The following PVT1 variants were observed in gnomAD, a reference collection of about 807,000 sequenced individuals.
PVT1 encodes the protein Pvt1 oncogene, also known as CXCR4/PVT1 fusion.
chr8:127,949,319 C>T (rs762040461), intron 3 of PVT1, among the ~76,000 whole-genome samples: 115 of 151,122 alleles, frequency 7.6e-4, no homozygotes, highest in Non-Finnish European at 1.4e-3. Flanking sequence ...GAAGACCAGC[C>T]CCCTGTGACC....
chr8:127,855,640 C>T (rs905344147), intron 2 of PVT1, among the ~76,000 whole-genome samples: 3 of 152,170 alleles, frequency 2.0e-5, no homozygotes, highest in African/African-American at 7.2e-5. Flanking sequence ...CTGGAGAGCA[C>T]CTTTCCCGGT....
chr8:127,869,439 A>G (rs902350545), intron 2 of PVT1, among the ~76,000 whole-genome samples: 1 of 152,042 alleles, frequency 6.6e-6, no homozygotes, highest in Non-Finnish European at 1.5e-5. Flanking sequence ...CCTATTTTTT[A>G]TTATTAAAAA....
At chr8:128,006,112 T>G (rs926695295) in intron 4 of PVT1, among the ~76,000 whole-genome samples, 110 of 105,306 alleles carry the variant, frequency 1.0e-3, no homozygotes, top group African/African-American at 4.2e-3. Context: ...CAAATAATAA[T>G]AATAATAATA....
At chr8:127,840,093 C>T (rs988748292) in intron 2 of PVT1, among the ~76,000 whole-genome samples, 3 of 152,120 alleles carry the variant, frequency 2.0e-5, no homozygotes, top group African/African-American at 7.2e-5. Context: ...GAGGAGTGAG[C>T]AGGTAAAGGG....
chr8:128,017,758 A>G (rs570785399), intron 4 of PVT1, among the ~76,000 whole-genome samples: 1 of 152,054 alleles, frequency 6.6e-6, no homozygotes, highest in Non-Finnish European at 1.5e-5. Flanking sequence ...TTTAACATGA[A>G]TTAATAGGAC....
At chr8:127,880,584 T>C (rs113606530) in intron 2 of PVT1, among the ~76,000 whole-genome samples, 1,623 of 135,030 alleles carry the variant, frequency 0.012, 36 homozygotes, top group African/African-American at 0.043. Context: ...GCATGAGCCA[T>C]CGCCCCCGGC....
At chr8:127,925,499 CATTCAGCTTTT>C (rs1816119030) in intron 3 of PVT1, among the ~76,000 whole-genome samples, 1 of 152,160 alleles carries the variant, frequency 6.6e-6, no homozygotes, top group African/African-American at 2.4e-5. Flanking sequence ...GTGGACACGC[CATTCAGCTTTT>C]ATTCAGCACT....
intron 2 of PVT1, among the ~76,000 whole-genome samples, chr8:127,889,176 C>G (rs1815567918): frequency 6.6e-6 from 1 of 150,758 alleles, no homozygotes; most frequent in Non-Finnish European, 1.5e-5. Context: ...GTGGCCCAGG[C>G]TGGAATGCAG....
Position 127,848,422 on chromosome 8 carries a change from G to A in PVT1, n.373-42167G>A, listed in dbSNP as rs1416145028. Among the ~76,000 whole-genome samples, 4 of 151,392 alleles carry A rather than the reference G, an allele frequency of 2.6e-5. No individual in the cohort carries two copies. In the South Asian group the frequency reaches 8.4e-4, roughly 32 times the overall value. ...AATTTGGCTGGGCGCAGTGGCTCAC[G>A]CCTGTAATCCCAGCACTTTGGGAGG... On this transcript the variant is annotated intron_variant and non_coding_transcript_variant, in intron 2 of 10. Transcript: ENST00000651587.
intron 4 of PVT1, among the ~76,000 whole-genome samples, chr8:128,011,392 G>A (rs1358377705): frequency 1.3e-5 from 2 of 152,076 alleles, no homozygotes; most frequent in African/African-American, 2.4e-5. Context: ...GATTATGAGG[G>A]TGGGGCTCTC....
intron 3 of PVT1, chr8:127,932,632 A>G (rs1249517888): frequency 5.0e-6 from 2 of 398,260 alleles, no homozygotes; most frequent in South Asian, 1.3e-4. Context: ...TACCTGATGG[A>G]CACCAAGCTA....
chr8:127,871,827 G>T (rs1191667986), intron 2 of PVT1, among the ~76,000 whole-genome samples: 1 of 152,166 alleles, frequency 6.6e-6, no homozygotes, highest in African/African-American at 2.4e-5. Flanking sequence ...AGTGGCTCAC[G>T]CCTGTAATCC....
intron 4 of PVT1, among the ~76,000 whole-genome samples, chr8:128,045,728 C>T (rs548607284): frequency 7.9e-5 from 12 of 152,304 alleles, no homozygotes; most frequent in East Asian, 3.9e-4. Context: ...TAATGAGGAG[C>T]GGCTTCATAA....
chr8:128,076,961 G>A (rs1326705180), intron 5 of PVT1, among the ~76,000 whole-genome samples: 2 of 152,182 alleles, frequency 1.3e-5, no homozygotes, highest in Non-Finnish European at 1.5e-5. Context: ...AGGCCCTGAG[G>A]CTTTGTGGTG....
intron 2 of PVT1, among the ~76,000 whole-genome samples, chr8:127,863,432 C>T (rs894886760): frequency 1.3e-5 from 2 of 152,152 alleles, no homozygotes; most frequent in Admixed American, 6.5e-5. Context: ...TTAATGTTCT[C>T]AGGTGAGTGG....
intron 3 of PVT1, among the ~76,000 whole-genome samples, chr8:127,944,162 A>G (rs139614018): frequency 3.0e-4 from 45 of 152,272 alleles, no homozygotes; most frequent in African/African-American, 1.1e-3. Context: ...ATCCTAGTTC[A>G]CTGCATCCTC....
chr8:128,036,557 G>T (rs1473652950), intron 4 of PVT1, among the ~76,000 whole-genome samples: 1 of 151,962 alleles, frequency 6.6e-6, no homozygotes, highest in Non-Finnish European at 1.5e-5. Context: ...CTTCTGGGGG[G>T]CTGGGCACTG....
intron 3 of PVT1, among the ~76,000 whole-genome samples, chr8:127,916,301 C>T (rs963290033): frequency 3.9e-5 from 6 of 152,178 alleles, no homozygotes; most frequent in Non-Finnish European, 8.8e-5. Context: ...TAGATGTTCT[C>T]TCCTGGAATC....
At chr8:127,971,135 G>A (rs1489741875) in intron 3 of PVT1, among the ~76,000 whole-genome samples, 1 of 152,230 alleles carries the variant, frequency 6.6e-6, no homozygotes, top group Non-Finnish European at 1.5e-5. Context: ...GTTCTAAACT[G>A]CACTTCTGAT....
Sources: allele counts gnomAD v4.1 joint callset (sites outside exome capture counted in the v4.1 genomes callset), GRCh38; gene constraint gnomAD v4.1.1; transcripts MANE v1.5; gene names NCBI Gene and HGNC (gene_info 2026-07-23, HGNC 2026-07-21).